KCNIP4: variants seen among roughly 807,000 people sequenced by gnomAD.
KCNIP4 encodes potassium voltage-gated channel interacting protein 4.
Under a neutral mutation model 34.0 loss-of-function variants are expected in KCNIP4, and 12 were observed. That is an observed-to-expected ratio of 0.35 (90% confidence interval 0.23 to 0.57). KCNIP4 has a LOEUF of 0.57. Ranked by LOEUF, KCNIP4 falls within the 20% of genes least tolerant of loss-of-function variation. The pLI, the probability that KCNIP4 is intolerant of heterozygous loss-of-function variation, is 0.83. For missense variants in KCNIP4, 238 were observed against 311.7 expected, an observed-to-expected ratio of 0.76 and a Z score of 1.78; for synonymous variants, 124 against 102.2, an observed-to-expected ratio of 1.21 and a Z score of -1.29.
chr4:21,453,855 A>G (rs1279511643), intron 1 of KCNIP4, among the ~76,000 whole-genome samples: 2 of 152,042 alleles, frequency 1.3e-5, no homozygotes, highest in East Asian at 3.9e-4. Context: ...CTGAGCACCT[A>G]AGCTCTAAAG....
chr4:21,778,229 T>C (rs1719316201), intron 1 of KCNIP4, among the ~76,000 whole-genome samples: 2 of 58,038 alleles, frequency 3.4e-5, no homozygotes, highest in Non-Finnish European at 7.1e-5. Context: ...TTTTCCTTTT[T>C]TTTTTTCTTT....
At chr4:20,742,322 AATATT>A (rs1751319954) in intron 5 of KCNIP4, among the ~76,000 whole-genome samples, 1 of 152,202 alleles carries the variant, frequency 6.6e-6, no homozygotes, top group African/African-American at 2.4e-5. Context: ...TCCTCAATAA[AATATT>A]AGCAAACCGA....
At chr4:21,471,294 AT>A (rs1258078215) in intron 1 of KCNIP4, among the ~76,000 whole-genome samples, 1 of 152,130 alleles carries the variant, frequency 6.6e-6, no homozygotes, top group East Asian at 1.9e-4. Context: ...AGTAATTCAG[AT>A]TCTCTTCCCT....
intron 1 of KCNIP4, among the ~76,000 whole-genome samples, chr4:21,497,465 G>A (rs1370056906): frequency 6.6e-6 from 1 of 152,064 alleles, no homozygotes; most frequent in Non-Finnish European, 1.5e-5. Context: ...CTCTTCACAT[G>A]ATGAACTCCT....
intron 2 of KCNIP4, among the ~76,000 whole-genome samples, chr4:20,861,507 C>A (rs533730209): frequency 3.8e-4 from 58 of 152,198 alleles, no homozygotes; most frequent in African/African-American, 1.2e-3. Context: ...TAGTTTGACA[C>A]GTATTTCTGC....
intron 1 of KCNIP4, among the ~76,000 whole-genome samples, chr4:21,431,965 C>T (rs369245442): frequency 4.7e-5 from 7 of 150,248 alleles, no homozygotes; most frequent in African/African-American, 1.2e-4. Context: ...TCTCTAGTTA[C>T]TGATCAATAA....
In KCNIP4 at chr4:20,729,757, T is replaced by TAAAATCACTGATATGTGAA. The variant is rs1405109484; in HGVS notation, c.*306_*324dup. ...TGAGTAGCAAAAAACACTGATATTT[T>TAAAATCACTGATATGTGAA]AAAATCACTGATATGTGAAAGCCTC... On this transcript the variant is annotated 3_prime_UTR_variant, in exon 9 of 9. Transcript: ENST00000382152. 1.4e-5 allele frequency: 3 copies of TAAAATCACTGATATGTGAA among 220,860 alleles called. No individual in the cohort carries two copies. In the Admixed American group the frequency reaches 1.7e-4, roughly 13 times the overall value. The allele number at this position is 220,860 out of a possible 1,614,324, so 13.7% of individuals were successfully genotyped here.
intron 2 of KCNIP4, among the ~76,000 whole-genome samples, chr4:20,879,602 T>C (rs533236135): frequency 2.0e-5 from 3 of 152,332 alleles, no homozygotes; most frequent in African/African-American, 7.2e-5. Flanking sequence ...AAAATCTTTG[T>C]CATATGCTGC....
intron 1 of KCNIP4, among the ~76,000 whole-genome samples, chr4:21,441,070 C>G (rs534503060): frequency 6.6e-6 from 1 of 152,084 alleles, no homozygotes; most frequent in Non-Finnish European, 1.5e-5. Flanking sequence ...CTGTCATCTT[C>G]TGTATCAAAT....
intron 1 of KCNIP4, chr4:21,850,946 C>T (rs1487095605): frequency 6.6e-6 from 1 of 152,054 alleles, no homozygotes; most frequent in Non-Finnish European, 1.5e-5. Flanking sequence ...CTCTAATCAT[C>T]ATAAAGCTTA....
At position 21,250,538 on chromosome 4, in the gene KCNIP4, T is replaced by C. The variant is rs957410867; in HGVS notation, c.62-367829A>G. Among the ~76,000 whole-genome samples the C allele has an allele frequency of 5.9e-5, 9 of 152,260 alleles. No individual in the cohort carries two copies. In the East Asian group the frequency reaches 1.5e-3, roughly 26 times the overall value. On this transcript the variant is annotated intron_variant, in intron 1 of 8. Coordinates refer to ENST00000382152, the MANE Select transcript of KCNIP4 (RefSeq NM_025221.6). ...AGGAGGAATACGCAGGATACAAAAT[T>C]TGATACTGACTTCTTTATGGTATCA...
intron 1 of KCNIP4, among the ~76,000 whole-genome samples, chr4:21,027,477 G>C (rs1740655405): frequency 6.6e-6 from 1 of 151,794 alleles, no homozygotes; most frequent in Admixed American, 6.6e-5. Context: ...CGAAGGAGAC[G>C]AGGCCACAGA....
At chr4:21,303,503 G>A (rs1489699540) in intron 1 of KCNIP4, among the ~76,000 whole-genome samples, 1 of 152,038 alleles carries the variant, frequency 6.6e-6, no homozygotes, top group African/African-American at 2.4e-5. Flanking sequence ...CATCAGTATG[G>A]ACTAAATACT....
chr4:21,496,684 C>T (rs1258278490), intron 1 of KCNIP4, among the ~76,000 whole-genome samples: 5 of 152,172 alleles, frequency 3.3e-5, no homozygotes, highest in Non-Finnish European at 7.3e-5. Flanking sequence ...TGTTAGGAAC[C>T]GGCTGCACAG....
intron 1 of KCNIP4, among the ~76,000 whole-genome samples, chr4:21,221,331 T>C (rs1032734418): frequency 3.3e-5 from 5 of 152,184 alleles, no homozygotes; most frequent in Non-Finnish European, 5.9e-5. Context: ...TTCATACTGC[T>C]ATAAATAACT....
chr4:21,128,819 A>T (rs1405195488), intron 1 of KCNIP4, among the ~76,000 whole-genome samples: 2 of 152,202 alleles, frequency 1.3e-5, no homozygotes, highest in East Asian at 1.9e-4. Context: ...ATAATATTCC[A>T]TTTAGATAAG....
At chr4:21,946,354 T>C (rs1001580569) in intron 1 of KCNIP4, among the ~76,000 whole-genome samples, 3 of 152,168 alleles carry the variant, frequency 2.0e-5, no homozygotes, top group Admixed American at 6.5e-5. Context: ...ATTCCAGAGA[T>C]ATATATTCAA....
chr4:20,821,046 C>A lies in KCNIP4; in HGVS notation c.288+29497G>T, dbSNP rs373886473. Among the ~76,000 whole-genome samples, 13 of 152,284 alleles carry A rather than the reference C, an allele frequency of 8.5e-5. No individual in the cohort carries two copies. The South Asian group carries it at 2.7e-3, about 32-fold the overall frequency. On this transcript the variant is annotated intron_variant, in intron 3 of 8. Transcript: ENST00000382152. ...AGAACTGCCACAGTGGTGGGGCCACCTCACAGAGCCTCTACTAGGGTAATG... is the reference window on the plus strand; with the variant it reads ...AGAACTGCCACAGTGGTGGGGCCACATCACAGAGCCTCTACTAGGGTAATG...
intron 1 of KCNIP4, among the ~76,000 whole-genome samples, chr4:20,922,962 CGT>C (rs144105183): frequency 1.3e-3 from 193 of 151,380 alleles, no homozygotes; most frequent in African/African-American, 4.1e-3. Flanking sequence ...CATGTGAGTA[CGT>C]GTGTGTGTGT....
Sources: gnomAD v4.1 joint callset for allele counts (sites outside exome capture counted in the v4.1 genomes callset) on GRCh38, gnomAD v4.1.1 for gene constraint, MANE v1.5 for transcripts, NCBI Gene and HGNC (gene_info 2026-07-23, HGNC 2026-07-21) for gene names.